Variants in SLC24A2 observed in about 807,000 individuals in gnomAD.
SLC24A2 encodes solute carrier family 24 member 2, also known as sodium/potassium/calcium exchanger 2.
A neutral mutation model predicts 62.0 loss-of-function variants in SLC24A2; 36 were observed. That is an observed-to-expected ratio of 0.58 (90% CI 0.44 to 0.77). The LOEUF is 0.77. Ranked by LOEUF, SLC24A2 falls within the 30% of genes least tolerant of loss-of-function variation. The pLI is 0.00. For missense variants in SLC24A2, 846 were observed against 817.9 expected (o/e 1.03, Z -0.42); for synonymous variants, 358 against 294.0 (o/e 1.22, Z -2.23).
At chr9:19,860,026 G>A in the SLC24A2 span, among the ~76,000 whole-genome samples, 21 of 152,266 alleles carry the variant, frequency 1.4e-4, no homozygotes, top group Admixed American at 1.2e-3. Context: ...AGGACACAAA[G>A]ACTACAACTC....
At chr9:19,851,017 A>ACG in the SLC24A2 span, among the ~76,000 whole-genome samples, 11 of 56,848 alleles carry the variant, frequency 1.9e-4, no homozygotes, top group African/African-American at 5.9e-4. Context: ...ACATATATAT[A>ACG]TATATACATA....
chr9:20,136,845 C>G, the SLC24A2 span, among the ~76,000 whole-genome samples: 1 of 152,058 alleles, frequency 6.6e-6, no homozygotes, highest in Non-Finnish European at 1.5e-5. Context: ...TAATTTTACC[C>G]AAAATGTGTC....
chr9:19,636,315 T>TTTTCTTTTCCTTTC lies in SLC24A2; in HGVS notation c.931-14017_931-14016insGAAAGGAAAAGAAA. Among the ~76,000 whole-genome samples the TTTTCTTTTCCTTTC allele has an allele frequency of 2.3e-3, 94 of 40,312 alleles. 7 individuals carry two copies. Among genetic ancestry groups the TTTTCTTTTCCTTTC allele is most frequent in the African/African-American group, 3.2e-3 (28 of 8,648 alleles). 26.4% of individuals were successfully genotyped at this position (40,312 alleles called of 152,430 possible). Reference sequence around the variant, plus strand: ...TTTTCTTTTCTTTTCTTTTCTTTTCTTTTCTTTCTTTCTTTCTTTCTTTCT... The same window carrying TTTTCTTTTCCTTTC: ...TTTTCTTTTCTTTTCTTTTCTTTTCTTTTCTTTTCCTTTCTTTCTTTCTTTCTTTCTTTCTTTCT... On this transcript the variant is annotated intron_variant, in intron 2 of 10. Coordinates refer to ENST00000341998, the MANE Select transcript of SLC24A2 (RefSeq NM_020344.4).
At chr9:20,210,815 T>C in the SLC24A2 span, among the ~76,000 whole-genome samples, 1 of 150,432 alleles carries the variant, frequency 6.6e-6, no homozygotes, top group Admixed American at 6.9e-5. Flanking sequence ...CAGAAGGTTC[T>C]TGTGCACGTG....
intron 7 of SLC24A2, among the ~76,000 whole-genome samples, chr9:19,560,791 T>G (rs977670474): frequency 1.1e-4 from 17 of 152,292 alleles, no homozygotes; most frequent in Non-Finnish European, 8.8e-5. Context: ...TAGTTTATTT[T>G]TAAATTGTCC....
the SLC24A2 span, among the ~76,000 whole-genome samples, chr9:20,213,230 C>G: frequency 6.6e-6 from 1 of 151,792 alleles, no homozygotes; most frequent in Non-Finnish European, 1.5e-5. Context: ...TTTTAAAACA[C>G]TCCTTTAAGC....
At chr9:19,733,113 T>G (rs1473711808) in intron 2 of SLC24A2, among the ~76,000 whole-genome samples, 1 of 151,574 alleles carries the variant, frequency 6.6e-6, no homozygotes, top group Non-Finnish European at 1.5e-5. Flanking sequence ...GCTGGGCATG[T>G]GAGCTACCTT....
chr9:19,654,722 G>A (rs574780033), intron 2 of SLC24A2, among the ~76,000 whole-genome samples: 4 of 152,050 alleles, frequency 2.6e-5, no homozygotes, highest in South Asian at 2.1e-4. Flanking sequence ...ACCTGCCCCC[G>A]GTGTCTCCAA....
the SLC24A2 span, among the ~76,000 whole-genome samples, chr9:20,028,166 C>A: frequency 6.6e-6 from 1 of 152,176 alleles, no homozygotes; most frequent in Admixed American, 6.5e-5. Context: ...GTATTCAATT[C>A]TACCTGCCCA....
the SLC24A2 span, among the ~76,000 whole-genome samples, chr9:20,281,103 T>C: frequency 6.6e-6 from 1 of 151,956 alleles, no homozygotes; most frequent in Admixed American, 6.6e-5. Context: ...CTGATTTTTG[T>C]ATTTTTTGTT....
chr9:20,047,526 C>T, the SLC24A2 span, among the ~76,000 whole-genome samples: 6 of 148,448 alleles, frequency 4.0e-5, no homozygotes, highest in Admixed American at 1.3e-4. Flanking sequence ...AAATTTATTT[C>T]TTATGTTTCT....
At chr9:19,894,816 G>A in the SLC24A2 span, among the ~76,000 whole-genome samples, 1 of 151,960 alleles carries the variant, frequency 6.6e-6, no homozygotes, top group South Asian at 2.1e-4. Flanking sequence ...CTATCCAAAT[G>A]GACTTCCATA....
intron 2 of SLC24A2, among the ~76,000 whole-genome samples, chr9:19,665,072 T>G (rs1203603567): frequency 6.6e-6 from 1 of 152,202 alleles, no homozygotes; most frequent in African/African-American, 2.4e-5. Flanking sequence ...GCCTGCTGTG[T>G]GGCTGTTGAT....
intron 2 of SLC24A2, among the ~76,000 whole-genome samples, chr9:19,715,988 T>A (rs1312371600): frequency 1.3e-5 from 2 of 152,186 alleles, no homozygotes; most frequent in Non-Finnish European, 2.9e-5. Context: ...ATTCAGCTAA[T>A]CATGGCAGCT....
At chr9:19,612,780 G>C (rs1837214560) in intron 4 of SLC24A2, among the ~76,000 whole-genome samples, 1 of 152,224 alleles carries the variant, frequency 6.6e-6, no homozygotes, top group Non-Finnish European at 1.5e-5. Context: ...AGGAGGCTGA[G>C]GTGGGAGGAT....
At chr9:19,654,858 A>G (rs1295506849) in intron 2 of SLC24A2, among the ~76,000 whole-genome samples, 1 of 152,192 alleles carries the variant, frequency 6.6e-6, no homozygotes, top group Non-Finnish European at 1.5e-5. Flanking sequence ...CAATGCAAGC[A>G]TCAGTGTTCA....
At chr9:19,566,854 G>T (rs149356727) in intron 7 of SLC24A2, among the ~76,000 whole-genome samples, 1 of 151,332 alleles carries the variant, frequency 6.6e-6, no homozygotes, top group Admixed American at 6.6e-5. Context: ...GCAAACTATC[G>T]CAAGAACAAA....
chr9:19,876,059 CT>C, the SLC24A2 span, among the ~76,000 whole-genome samples: 1 of 152,176 alleles, frequency 6.6e-6, no homozygotes, highest in Non-Finnish European at 1.5e-5. Context: ...CATGTCAAGT[CT>C]TCCTTTAGTA....
At chr9:19,846,511 C>G in the SLC24A2 span, among the ~76,000 whole-genome samples, 1 of 152,174 alleles carries the variant, frequency 6.6e-6, no homozygotes, top group Admixed American at 6.5e-5. Context: ...CTCTTGAAGA[C>G]AGCAGATGAA....
Sources: gnomAD v4.1 joint callset for allele counts (sites outside exome capture counted in the v4.1 genomes callset) on GRCh38, gnomAD v4.1.1 for gene constraint, MANE v1.5 for transcripts, NCBI Gene and HGNC (gene_info 2026-07-23, HGNC 2026-07-21) for gene names.